RGS6: variants seen among roughly 807,000 people sequenced by gnomAD.
RGS6 encodes regulator of G protein signaling 6, also known as regulator of G-protein signaling 6.
In RGS6, 30 loss-of-function variants were observed where a neutral mutation model predicts 78.5. The ratio of observed to expected loss-of-function variants is 0.38; its 90% confidence interval spans 0.29 to 0.52. The LOEUF (loss-of-function observed/expected upper bound fraction) is 0.52. RGS6 is among the 20% of genes least tolerant of loss of function. The pLI, the probability that RGS6 is intolerant of heterozygous loss-of-function variation, is 0.85. For synonymous variants in RGS6, 206 were observed against 206.0 expected, an observed-to-expected ratio of 1.00 and a Z score of 0.00; for missense variants, 495 against 609.7, an observed-to-expected ratio of 0.81 and a Z score of 1.98.
At chr14:72,352,320 T>G in intron 3 of RGS6, 126 bp downstream of exon 3, 5 of 645,658 alleles carry the variant, frequency 7.7e-6, no homozygotes, top group Non-Finnish European at 1.3e-5. Context: ...GTGTGTTTCT[T>G]GACTCAGGTC....
chr14:72,337,856 A>G (rs1326513044), intron 2 of RGS6, among the ~76,000 whole-genome samples: 1 of 152,260 alleles, frequency 6.6e-6, no homozygotes, highest in Non-Finnish European at 1.5e-5. Context: ...TGCAGCCTAC[A>G]GTCCATCAAA....
At chr14:72,383,804 G>T (rs58139305) in intron 3 of RGS6, among the ~76,000 whole-genome samples, 2,748 of 152,038 alleles carry the variant, frequency 0.018, 79 homozygotes, top group African/African-American at 0.056. Context: ...TCAAAGGGTG[G>T]GGGGGGACGG....
At chr14:72,508,854 T>C (rs1226958986) in intron 13 of RGS6, among the ~76,000 whole-genome samples, 4 of 152,072 alleles carry the variant, frequency 2.6e-5, no homozygotes, top group Non-Finnish European at 4.4e-5. Context: ...AGACCACACC[T>C]TGAATAGGGA....
chr14:71,925,669 A>G, the RGS6 span, among the ~76,000 whole-genome samples: 3 of 140,352 alleles, frequency 2.1e-5, no homozygotes, highest in Non-Finnish European at 3.2e-5. Flanking sequence ...TCTCCTTTTC[A>G]CAATGCATTT....
At chr14:72,052,987 C>CTTTCTT (rs1567106192) in intron 2 of RGS6, among the ~76,000 whole-genome samples, 1,746 of 53,876 alleles carry the variant, frequency 0.032, 36 homozygotes, top group Non-Finnish European at 0.041. Context: ...CTTTCTTTCT[C>CTTTCTT]TCTCTCTCTC....
intron 2 of RGS6, among the ~76,000 whole-genome samples, chr14:72,319,346 G>C (rs1474470315): frequency 1.3e-5 from 2 of 150,984 alleles, no homozygotes; most frequent in Non-Finnish European, 2.9e-5. Flanking sequence ...AACTGAAGGG[G>C]GAAATTTTTT....
rs138906300 is a variant in RGS6, at chr14:72,391,660, A to G, written c.184+39466A>G. 3.9e-4 allele frequency among the ~76,000 whole-genome samples: 59 copies of G among 152,360 alleles called. 1 individual carries two copies. Among genetic ancestry groups the G allele is most frequent in the African/African-American group, 1.4e-3 (57 of 41,588 alleles). On this transcript the variant is annotated intron_variant, in intron 3 of 17. Coordinates refer to ENST00000553525, the MANE Select transcript of RGS6 (RefSeq NM_001204424.2). ...CACATGCACAACGTGCAGGTTTGTT[A>G]CATAGGTTTATATGTGCCATGTTGG... is the stretch of plus-strand genomic sequence containing the variant.
intron 17 of RGS6, among the ~76,000 whole-genome samples, chr14:72,554,907 A>G (rs2097550189): frequency 1.3e-5 from 2 of 152,300 alleles, no homozygotes; most frequent in Middle Eastern, 3.4e-3. Flanking sequence ...TGTCTCTCCC[A>G]CCATCCCTAC....
At chr14:72,551,062 A>C (rs1414816588) in intron 17 of RGS6, among the ~76,000 whole-genome samples, 1 of 151,970 alleles carries the variant, frequency 6.6e-6, no homozygotes, top group African/African-American at 2.4e-5. Context: ...CTGGTCTCGA[A>C]CTCCTGGCCT....
intron 1 of RGS6, among the ~76,000 whole-genome samples, chr14:71,959,509 AG>A (rs1314031662): frequency 6.6e-6 from 1 of 152,176 alleles, no homozygotes; most frequent in Non-Finnish European, 1.5e-5. Context: ...TAGGGTTTTG[AG>A]GGCTGGGCAC....
At chr14:71,891,534 T>G in the RGS6 span, among the ~76,000 whole-genome samples, 1 of 152,136 alleles carries the variant, frequency 6.6e-6, no homozygotes, top group Non-Finnish European at 1.5e-5. Context: ...ACAAACATCC[T>G]AACAAAACTA....
At chr14:72,343,457 C>T (rs1420341804) in intron 2 of RGS6, among the ~76,000 whole-genome samples, 1 of 152,212 alleles carries the variant, frequency 6.6e-6, no homozygotes, top group African/African-American at 2.4e-5. Context: ...ACCTGGATAA[C>T]CAGGGTCATC....
intron 3 of RGS6, among the ~76,000 whole-genome samples, chr14:72,382,298 T>G (rs2086366396): frequency 6.6e-6 from 1 of 152,016 alleles, no homozygotes; most frequent in Non-Finnish European, 1.5e-5. Flanking sequence ...GAACAAACAT[T>G]TCATAGAAGA....
chr14:71,989,288 C>A (rs2094852691), intron 2 of RGS6, among the ~76,000 whole-genome samples: 1 of 152,258 alleles, frequency 6.6e-6, no homozygotes, highest in Admixed American at 6.5e-5. Context: ...GTCAGGCTGT[C>A]TCTTCTTCAC....
intron 2 of RGS6, among the ~76,000 whole-genome samples, chr14:72,117,486 C>T (rs909022846): frequency 6.6e-6 from 1 of 152,074 alleles, no homozygotes; most frequent in Non-Finnish European, 1.5e-5. Context: ...TCAACAGAAG[C>T]AGATATTGGC....
chr14:72,465,998 G>T (rs900105003), intron 7 of RGS6, among the ~76,000 whole-genome samples, 176 bp downstream of exon 7: 3 of 151,856 alleles, frequency 2.0e-5, no homozygotes, highest in Non-Finnish European at 2.9e-5. Context: ...ATCACAATAA[G>T]ATGGTGTTTT....
the RGS6 span, among the ~76,000 whole-genome samples, chr14:71,909,201 CCTT>C: frequency 6.6e-6 from 1 of 152,158 alleles, no homozygotes; most frequent in African/African-American, 2.4e-5. Context: ...GCGTGTTCCT[CCTT>C]CTGTTTTCTG....
At chr14:72,122,848 C>T (rs1479292827) in intron 2 of RGS6, among the ~76,000 whole-genome samples, 1 of 151,290 alleles carries the variant, frequency 6.6e-6, no homozygotes, top group Non-Finnish European at 1.5e-5. Flanking sequence ...AAAAGCCAGA[C>T]ATTTCCTAGT....
At chr14:72,203,064 A>G (rs1335375496) in intron 2 of RGS6, among the ~76,000 whole-genome samples, 3 of 151,902 alleles carry the variant, frequency 2.0e-5, no homozygotes, top group African/African-American at 7.3e-5. Flanking sequence ...TTTAGTGGAG[A>G]CAGGGTTTCA....
Sources: gnomAD v4.1 joint callset for allele counts (sites outside exome capture counted in the v4.1 genomes callset) on GRCh38, gnomAD v4.1.1 for gene constraint, MANE v1.5 for transcripts, NCBI Gene and HGNC (gene_info 2026-07-23, HGNC 2026-07-21) for gene names.